Variants in BBS9 observed in about 807,000 individuals in gnomAD.
BBS9 encodes the protein Bardet-Biedl syndrome 9.
BBS9 carries 89 observed loss-of-function variants against 117.7 expected under a neutral mutation model. The ratio of observed to expected loss-of-function variants is 0.76; its 90% CI spans 0.64 to 0.90. The LOEUF (loss-of-function observed/expected upper bound fraction) is 0.90. Ranked by LOEUF, BBS9 falls within the 40% of genes least tolerant of loss-of-function variation. The pLI is 0.00. For missense variants in BBS9, 982 were observed against 1,042.2 expected, an observed-to-expected ratio of 0.94 and a Z score of 0.80; for synonymous variants, 379 against 370.9, an observed-to-expected ratio of 1.02 and a Z score of -0.25.
chr7:33,242,062 A>G (rs571965725), intron 5 of BBS9, among the ~76,000 whole-genome samples: 1 of 152,220 alleles, frequency 6.6e-6, no homozygotes, highest in East Asian at 1.9e-4. Flanking sequence ...ATCTTTTGTC[A>G]GATGTTTGGT....
chr7:33,328,993 T>TTTATTTATTTA (rs1554422527), intron 9 of BBS9, among the ~76,000 whole-genome samples: 1 of 145,364 alleles, frequency 6.9e-6, no homozygotes, highest in Non-Finnish European at 1.5e-5. Flanking sequence ...GTTTTCCTTC[T>TTTATTTATTTA]TTTATTTATT....
chr7:33,223,357 A>G (rs1233162076), intron 5 of BBS9, among the ~76,000 whole-genome samples: 1 of 152,218 alleles, frequency 6.6e-6, no homozygotes, highest in African/African-American at 2.4e-5. Context: ...ATGGTACACT[A>G]CTATTAACTC....
intron 19 of BBS9, among the ~76,000 whole-genome samples, chr7:33,482,104 C>T (rs1346081429): frequency 6.6e-6 from 1 of 151,778 alleles, no homozygotes; most frequent in Non-Finnish European, 1.5e-5. Flanking sequence ...TTTTTTCTAC[C>T]ACAGAACTCA....
chr7:33,440,982 T>C (rs1263078744), intron 19 of BBS9, among the ~76,000 whole-genome samples: 1 of 152,184 alleles, frequency 6.6e-6, no homozygotes, highest in Non-Finnish European at 1.5e-5. Context: ...GGGGTATTGG[T>C]TATACAGGTA....
intron 5 of BBS9, among the ~76,000 whole-genome samples, chr7:33,188,202 G>C (rs941913434): frequency 6.6e-6 from 1 of 151,514 alleles, no homozygotes; most frequent in Non-Finnish European, 1.5e-5. Flanking sequence ...TTTTATTCCA[G>C]CCCTTCATTT....
intron 19 of BBS9, among the ~76,000 whole-genome samples, chr7:33,443,461 C>A (rs920226921): frequency 1.3e-5 from 2 of 152,050 alleles, no homozygotes; most frequent in African/African-American, 4.8e-5. Context: ...CCTATGGACT[C>A]CATGCTTTAA....
chr7:33,156,458 A>G (rs545917628), intron 4 of BBS9, among the ~76,000 whole-genome samples: 2 of 152,154 alleles, frequency 1.3e-5, no homozygotes, highest in South Asian at 2.1e-4. Flanking sequence ...GCTTGCTGTA[A>G]ATGTTACCTT....
intron 4 of BBS9, among the ~76,000 whole-genome samples, chr7:33,164,960 C>T (rs2128133016): frequency 6.6e-6 from 1 of 152,282 alleles, no homozygotes; most frequent in East Asian, 1.9e-4. Flanking sequence ...TTTGCGGTGG[C>T]TGATACCGGT....
At chr7:33,425,450 C>T (rs1833524333) in intron 19 of BBS9, among the ~76,000 whole-genome samples, 1 of 152,172 alleles carries the variant, frequency 6.6e-6, no homozygotes, top group Non-Finnish European at 1.5e-5. Flanking sequence ...CAGCCCATCA[C>T]CTAGGTATTA....
intron 19 of BBS9, 80 bp downstream of exon 19, chr7:33,388,224 C>T: frequency 6.7e-7 from 1 of 1,501,972 alleles, no homozygotes; most frequent in Non-Finnish European, 9.3e-7. Flanking sequence ...CCAGAATATC[C>T]AAGATAAGGT....
intron 1 of BBS9, among the ~76,000 whole-genome samples, chr7:33,143,439 TG>T (rs1487701691): frequency 1.3e-5 from 2 of 152,208 alleles, no homozygotes; most frequent in Admixed American, 6.5e-5. Flanking sequence ...AATATATTTT[TG>T]TTTTTTTTGA....
At chr7:33,559,656 C>T (rs1461556857) in intron 21 of BBS9, among the ~76,000 whole-genome samples, 1 of 152,158 alleles carries the variant, frequency 6.6e-6, no homozygotes, top group Non-Finnish European at 1.5e-5. Flanking sequence ...GCTGAGTTTA[C>T]TTATATTATG....
intron 4 of BBS9, among the ~76,000 whole-genome samples, chr7:33,157,203 G>A (rs955105068): frequency 9.9e-5 from 15 of 152,164 alleles, no homozygotes; most frequent in African/African-American, 2.9e-4. Flanking sequence ...TGCCTCTGGA[G>A]TTCCACTGGG....
rs1353888892 is a variant in BBS9 at position 33,619,640 on chromosome 7, T to A, written c.2522-15537T>A. ...CAAGTCCTAACAAATCCAAGAAGAT[T>A]GACATAATATTAAGTATCTTCTTTT... On this transcript the variant is annotated intron_variant, in intron 21 of 21. Coordinates refer to the BBS9 transcript ENST00000671952. Among the ~76,000 whole-genome samples, 3 of 152,256 alleles carry A rather than the reference T, an allele frequency of 2.0e-5. No individual in the cohort carries two copies. In the East Asian group the frequency reaches 5.8e-4, roughly 29 times the overall value.
chr7:33,350,094 C>CA (rs1280091385), intron 13 of BBS9, among the ~76,000 whole-genome samples: 1 of 152,206 alleles, frequency 6.6e-6, no homozygotes, highest in East Asian at 1.9e-4. Flanking sequence ...TACTCCCAAC[C>CA]ATTTATATCC....
At chr7:33,492,218 AAAAAAAC>A (rs1563251659) in intron 19 of BBS9, among the ~76,000 whole-genome samples, 2 of 149,568 alleles carry the variant, frequency 1.3e-5, no homozygotes, top group African/African-American at 5.0e-5. Context: ...AAAAAACAAA[AAAAAAAC>A]AAAAAAAAAA....
At chr7:33,191,197 GT>G (rs1376800230) in intron 5 of BBS9, among the ~76,000 whole-genome samples, 1 of 152,176 alleles carries the variant, frequency 6.6e-6, no homozygotes, top group African/African-American at 2.4e-5. Context: ...CTCAGGGTTT[GT>G]TTTACCTGTA....
chr7:33,172,845 G>T (rs1471346401), intron 4 of BBS9, among the ~76,000 whole-genome samples: 2 of 150,924 alleles, frequency 1.3e-5, no homozygotes, highest in Non-Finnish European at 2.9e-5. Flanking sequence ...AGGAAAAAAT[G>T]GTGCTCCCAT....
downstream of BBS9, among the ~76,000 whole-genome samples, chr7:33,610,024 C>G (rs1289550833): frequency 6.6e-6 from 1 of 152,030 alleles, no homozygotes; most frequent in Non-Finnish European, 1.5e-5. Flanking sequence ...TTTCACCAAT[C>G]ATGATTAAAA....
Sources: gnomAD v4.1 joint callset for allele counts (sites outside exome capture counted in the v4.1 genomes callset) on GRCh38, gnomAD v4.1.1 for gene constraint, MANE v1.5 for transcripts, NCBI Gene and HGNC (gene_info 2026-07-23, HGNC 2026-07-21) for gene names.